Variants in ATR observed in about 807,000 individuals in gnomAD.
ATR encodes the protein ATR checkpoint kinase.
ATR carries 142 observed loss-of-function variants against 305.3 expected under a neutral mutation model. The ratio of observed to expected loss-of-function variants is 0.47; its 90% CI spans 0.41 to 0.53. ATR has a LOEUF of 0.53. Ranked by LOEUF, ATR falls within the 20% of genes least tolerant of loss-of-function variation. ATR has a pLI of 0.00. For missense variants in ATR, 2,135 were observed against 3,133.1 expected (o/e 0.68, Z 7.60); for synonymous variants, 1,050 against 1,068.1 (o/e 0.98, Z 0.33).
intron 45 of ATR, among the ~76,000 whole-genome samples, chr3:142,453,962 C>G (rs574094517): frequency 5.1e-4 from 77 of 152,338 alleles, no homozygotes; most frequent in Middle Eastern, 3.4e-3. Flanking sequence ...AACTAGGACC[C>G]TATTTTTTCT....
intron 36 of ATR, among the ~76,000 whole-genome samples, chr3:142,480,021 C>T (rs1577537384): frequency 6.6e-6 from 1 of 151,966 alleles, no homozygotes; most frequent in Non-Finnish European, 1.5e-5. Context: ...ACTTCTTTGC[C>T]ATGGGTTCCA....
At chr3:142,576,028 A>G (rs776492013) in intron 1 of ATR, among the ~76,000 whole-genome samples, 1 of 152,270 alleles carries the variant, frequency 6.6e-6, no homozygotes, top group Non-Finnish European at 1.5e-5. Context: ...AAAATCTATT[A>G]TAAGTAGGTA....
rs190576240 is a variant in ATR at position 142,543,074 on chromosome 3, G to A, written c.3358-317C>T. 1.1e-4 allele frequency among the ~76,000 whole-genome samples: 17 copies of A among 152,166 alleles called. No homozygotes were observed. The East Asian group carries it at 1.9e-3, about 17-fold the overall frequency. On this transcript the variant is annotated intron_variant, in intron 16 of 46. Coordinates refer to ENST00000350721, the MANE Select transcript of ATR (RefSeq NM_001184.4). ...GGATCCTCAGGATCTAATTCATGTC[G>A]GGATGTGGGGTGGAGAGGAAAAGAA...
chr3:142,496,315 T>TTATATATAC (rs750126330), intron 34 of ATR, 46 bp downstream of exon 34: 5 of 211,252 alleles, frequency 2.4e-5, no homozygotes, highest in African/African-American at 1.6e-4. Flanking sequence ...TATATATATA[T>TTATATATAC]ATATATATAT....
At chr3:142,512,181 T>C (rs577144905) in intron 27 of ATR, 79 bp downstream of exon 27, 1 of 1,268,332 alleles carries the variant, frequency 7.9e-7, no homozygotes, top group Non-Finnish European at 1.1e-6. Flanking sequence ...GTGCTTAAAT[T>C]ATAGAACTGA....
chr3:142,473,457 C>T (rs1049233624), intron 36 of ATR, among the ~76,000 whole-genome samples: 1 of 151,954 alleles, frequency 6.6e-6, no homozygotes, highest in Non-Finnish European at 1.5e-5. Context: ...GTCTATGTAG[C>T]CATTTTAATA....
At chr3:142,522,092 G>T (rs7630130) in intron 23 of ATR, among the ~76,000 whole-genome samples, 4 of 152,120 alleles carry the variant, frequency 2.6e-5, no homozygotes, top group African/African-American at 7.2e-5. Context: ...CAACCACCAC[G>T]GTAATTAATC....
chr3:142,551,750 C>A (rs1315307254), intron 13 of ATR, among the ~76,000 whole-genome samples: 1 of 152,072 alleles, frequency 6.6e-6, no homozygotes, highest in African/African-American at 2.4e-5. Context: ...ATACCTCAGG[C>A]TATAGGCACA....
intron 10 of ATR, among the ~76,000 whole-genome samples, chr3:142,554,333 T>C (rs1328387407): frequency 6.6e-6 from 1 of 151,990 alleles, no homozygotes; most frequent in East Asian, 1.9e-4. Context: ...GTTCAAGTGA[T>C]CCTCCCACCT....
At chr3:142,561,941 A>G (rs2034896720) in intron 4 of ATR, among the ~76,000 whole-genome samples, 1 of 152,294 alleles carries the variant, frequency 6.6e-6, no homozygotes, top group East Asian at 1.9e-4. Flanking sequence ...TAAGTTGGTA[A>G]CTGCCCCCTT....
At chr3:142,478,337 T>C (rs145290839) in intron 36 of ATR, among the ~76,000 whole-genome samples, 1 of 152,332 alleles carries the variant, frequency 6.6e-6, no homozygotes, top group Non-Finnish European at 1.5e-5. Flanking sequence ...CTGCCTTCAT[T>C]TCGTTATGTA....
At chr3:142,552,621 G>A (rs1268391611) in intron 13 of ATR, among the ~76,000 whole-genome samples, 1 of 135,236 alleles carries the variant, frequency 7.4e-6, no homozygotes, top group Non-Finnish European at 1.5e-5. Flanking sequence ...AGTGAACTGA[G>A]ATTGCACCAT....
chr3:142,469,646 A>T (rs1186101369), intron 37 of ATR, 77 bp from the exon 38 acceptor site: 4 of 1,315,018 alleles, frequency 3.0e-6, no homozygotes, highest in African/African-American at 3.0e-5. Context: ...ACAGAAGAAA[A>T]ATTTTGCTTT....
intron 1 of ATR, among the ~76,000 whole-genome samples, chr3:142,571,398 G>A (rs566856303): frequency 8.5e-5 from 13 of 152,060 alleles, no homozygotes; most frequent in South Asian, 8.3e-4. Context: ...TCTGGGAGGC[G>A]GAGATTGCAG....
intron 18 of ATR, 65 bp downstream of exon 18, chr3:142,540,839 T>C (rs2108437400): frequency 7.9e-6 from 12 of 1,521,154 alleles, no homozygotes; most frequent in Non-Finnish European, 9.8e-6. Flanking sequence ...GAGATAAGAA[T>C]TCAAGTTAGT....
chr3:142,457,860 C>T, intron 44 of ATR, 105 bp from the exon 45 acceptor site: 1 of 1,250,116 alleles, frequency 8.0e-7, no homozygotes. Context: ...CAAAAATACC[C>T]TCAAAATATT....
intron 21 of ATR, among the ~76,000 whole-genome samples, chr3:142,529,318 C>T (rs895056124): frequency 3.3e-5 from 5 of 151,868 alleles, no homozygotes; most frequent in South Asian, 2.1e-4. Context: ...ACTAGTTTGC[C>T]GGTGTAAAAT....
At chr3:142,513,669 C>T (rs1408414634) in intron 25 of ATR, 31 bp from the exon 26 acceptor site, 3 of 1,608,456 alleles carry the variant, frequency 1.9e-6, no homozygotes, top group Non-Finnish European at 1.7e-6. Context: ...GACAGTAACA[C>T]ACTTTCACAT....
In ATR at chr3:142,513,555, A is replaced by G. The variant is rs1214561371; in HGVS notation, c.4587T>C (p.Leu1529=). 6.2e-7 allele frequency: 1 copy of G among 1,613,232 alleles called. No individual in the cohort carries two copies. The highest frequency in any genetic ancestry group is 1.3e-5 in the African/African-American group (1 of 75,022). The change falls in exon 26 of 47, where the codon CTT becomes CTC. Residue 1529 remains leucine, a synonymous_variant. Transcript: ENST00000350721. ...KHDFKVTIYL[L]PHILVYVLLG... is the part of the protein sequence containing the mutation. The stretch of plus-strand genomic sequence containing the variant: ...GTAAGACATACACCAGAATATGTGG[A>G]AGAAGATAGATGGTCACTTTGAAAT...
Sources: gnomAD v4.1 joint callset for allele counts (sites outside exome capture counted in the v4.1 genomes callset) on GRCh38, gnomAD v4.1.1 for gene constraint, MANE v1.5 for transcripts, NCBI Gene and HGNC (gene_info 2026-07-23, HGNC 2026-07-21) for gene names.